The following CCDC38 variants were observed in gnomAD, a reference collection of about 807,000 sequenced individuals.
The protein encoded by CCDC38 is coiled-coil domain containing 38, also known as coiled-coil domain-containing protein 38.
In CCDC38, 69 loss-of-function variants were observed where a neutral mutation model predicts 72.8. The observed-to-expected ratio is 0.95, with a 90% CI of 0.78 to 1.16. CCDC38 has a LOEUF of 1.16. Among genes scored for constraint, CCDC38 ranks in the 50% most tolerant of loss-of-function variants. The pLI is 0.00. For synonymous variants in CCDC38, 201 were observed against 213.2 expected (o/e 0.94, Z 0.50); for missense variants, 626 against 638.9 (o/e 0.98, Z 0.22).
At chr12:95,909,918 A>G (rs546915253) in intron 4 of CCDC38, among the ~76,000 whole-genome samples, 2 of 152,322 alleles carry the variant, frequency 1.3e-5, no homozygotes, top group African/African-American at 4.8e-5. Flanking sequence ...ACTAACAGCC[A>G]TCTATGACAA....
chr12:95,924,550 C>A lies in CCDC38; in HGVS notation c.38-5574G>T, dbSNP rs747653921. ...CAGAAGCTCTTTAGTTTAATTAGAT[C>A]CCATTTGTCAATTTTGGCTTTGGTT... On this transcript the variant is annotated intron_variant, in intron 2 of 15. Coordinates refer to ENST00000344280, the MANE Select transcript of CCDC38 (RefSeq NM_182496.3). 3.5e-3 allele frequency among the ~76,000 whole-genome samples: 516 copies of A among 149,516 alleles called. 3 individuals carry two copies. The highest frequency in any genetic ancestry group is 5.0e-3 in the Non-Finnish European group (336 of 66,858).
intron 2 of CCDC38, among the ~76,000 whole-genome samples, chr12:95,921,619 C>T (rs535162608): frequency 6.6e-6 from 1 of 152,226 alleles, no homozygotes; most frequent in South Asian, 2.1e-4. Flanking sequence ...TCTCCCTCAA[C>T]ACATGGGGAT....
intron 9 of CCDC38, 110 bp from the exon 10 acceptor site, chr12:95,888,616 T>G: frequency 1.2e-6 from 1 of 856,436 alleles, no homozygotes; most frequent in Non-Finnish European, 2.0e-6. Flanking sequence ...TTCATTTTTC[T>G]GCACAGACAT....
intron 13 of CCDC38, 138 bp from the exon 14 acceptor site, chr12:95,872,598 G>T (rs575957967): frequency 8.9e-5 from 57 of 640,050 alleles, no homozygotes; most frequent in African/African-American, 8.7e-4. Context: ...TTTTTGAGAC[G>T]GAGTCTCACT....
intron 7 of CCDC38, among the ~76,000 whole-genome samples, chr12:95,897,661 A>G (rs2079905117): frequency 6.6e-6 from 1 of 151,642 alleles, no homozygotes; most frequent in South Asian, 2.1e-4. Flanking sequence ...CCTTGACCAT[A>G]GAAGGAAACA....
chr12:95,887,218 A>G lies in CCDC38; in HGVS notation c.920+1240T>C, dbSNP rs578161800. 2.6e-5 allele frequency among the ~76,000 whole-genome samples: 4 copies of G among 151,424 alleles called. No individual in the cohort carries two copies. The East Asian group carries it at 7.7e-4, about 29-fold the overall frequency. On this transcript the variant is annotated intron_variant, in intron 10 of 15. Coordinates refer to ENST00000344280, the MANE Select transcript of CCDC38 (RefSeq NM_182496.3). ...AACAAACAAACAACAAAAAAAAACCACTGAACACACATCTACCATCCAATC... is the reference window on the plus strand; with the variant it reads ...AACAAACAAACAACAAAAAAAAACCGCTGAACACACATCTACCATCCAATC...
chr12:95,871,125 C>T (rs2079576660), intron 14 of CCDC38, among the ~76,000 whole-genome samples: 1 of 152,178 alleles, frequency 6.6e-6, no homozygotes, highest in African/African-American at 2.4e-5. Flanking sequence ...CACTTGTAAA[C>T]ATTCCCTACA....
intron 4 of CCDC38, among the ~76,000 whole-genome samples, chr12:95,909,184 C>A (rs533052203): frequency 6.6e-6 from 1 of 151,954 alleles, no homozygotes; most frequent in East Asian, 1.9e-4. Flanking sequence ...GAGAGAAGAT[C>A]CAAATAAGCA....
intron 9 of CCDC38, among the ~76,000 whole-genome samples, chr12:95,890,115 C>T (rs953932796): frequency 6.6e-6 from 1 of 152,064 alleles, no homozygotes; most frequent in Non-Finnish European, 1.5e-5. Flanking sequence ...TTTTTCCATG[C>T]TGCCCAGGCT....
At position 95,917,168 on chromosome 12, in the gene CCDC38, A is replaced by C; in HGVS notation, c.265T>G (p.Phe89Val). The C allele has an allele frequency of 4.4e-6, 7 of 1,604,566 alleles. No individual in the cohort carries two copies. Among genetic ancestry groups the C allele is most frequent in the Non-Finnish European group, 5.9e-6 (7 of 1,178,154 alleles). ...GGAATCGGAGCAGGACCTGGCCCAA[A>C]CTTTTCAAATGACCTACCACTCCTT... ...PKRSGRSFEK[F>V]GPGPAPIPRL... The change falls in exon 4 of 16, where the codon TTT becomes GTT. Residue 89 changes from phenylalanine to valine, a missense_variant. Transcript: ENST00000344280.
intron 15 of CCDC38, among the ~76,000 whole-genome samples, chr12:95,869,196 A>G (rs183165003): frequency 6.2e-4 from 94 of 152,342 alleles, no homozygotes; most frequent in African/African-American, 1.9e-3. Context: ...CTTTTAATCT[A>G]TTCCAAAAAA....
intron 1 of CCDC38, 89 bp from the exon 2 acceptor site, chr12:95,936,612 G>C: frequency 2.0e-6 from 2 of 995,180 alleles, no homozygotes; most frequent in Non-Finnish European, 3.0e-6. Flanking sequence ...CTCCTTAACA[G>C]TCCTTATGGC....
intron 10 of CCDC38, among the ~76,000 whole-genome samples, chr12:95,884,541 A>G (rs1257646528): frequency 1.3e-5 from 2 of 152,256 alleles, no homozygotes; most frequent in Non-Finnish European, 2.9e-5. Context: ...CCTAGGGTTG[A>G]TGTAACAAAC....
At chr12:95,931,555 T>C (rs1348027255) in intron 2 of CCDC38, among the ~76,000 whole-genome samples, 1 of 152,178 alleles carries the variant, frequency 6.6e-6, no homozygotes, top group East Asian at 1.9e-4. Flanking sequence ...AATTCTTCTA[T>C]TTATTCATTA....
At chr12:95,922,165 G>C (rs1219694580) in intron 2 of CCDC38, among the ~76,000 whole-genome samples, 2 of 152,220 alleles carry the variant, frequency 1.3e-5, no homozygotes, top group Non-Finnish European at 2.9e-5. Context: ...TCATGAGTTA[G>C]AGAGAAAGAA....
chr12:95,916,533 A>G (rs2080146870), intron 4 of CCDC38, among the ~76,000 whole-genome samples: 1 of 151,922 alleles, frequency 6.6e-6, no homozygotes, highest in Non-Finnish European at 1.5e-5. Context: ...CATTAACTTC[A>G]AAGTACTTTC....
chr12:95,919,527 T>C (rs772256157), intron 2 of CCDC38: 11 of 456,064 alleles, frequency 2.4e-5, no homozygotes, highest in South Asian at 1.7e-4. Flanking sequence ...TTAGTTTGCT[T>C]TAACAGTAGA....
chr12:95,890,775 C>G, intron 9 of CCDC38, 57 bp downstream of exon 9: 1 of 1,097,008 alleles, frequency 9.1e-7, no homozygotes. Context: ...TCTGTCTCCA[C>G]TTTGAGATGG....
intron 7 of CCDC38, among the ~76,000 whole-genome samples, chr12:95,895,851 T>C (rs1174300214): frequency 7.0e-6 from 1 of 142,934 alleles, no homozygotes; most frequent in East Asian, 2.1e-4. Context: ...AGGTCAAGGG[T>C]TCAAGACCAG....
Sources: allele counts gnomAD v4.1 joint callset (sites outside exome capture counted in the v4.1 genomes callset), GRCh38; gene constraint gnomAD v4.1.1; transcripts MANE v1.5; gene names NCBI Gene and HGNC (gene_info 2026-07-23, HGNC 2026-07-21).